PLCB4: variants seen among roughly 807,000 people sequenced by gnomAD.
PLCB4 encodes phospholipase C beta 4.
Under a neutral mutation model 178.8 loss-of-function variants are expected in PLCB4, and 77 were observed. The ratio of observed to expected loss-of-function variants is 0.43; its 90% CI spans 0.36 to 0.52. The LOEUF (loss-of-function observed/expected upper bound fraction) is 0.52, where lower values mean the gene tolerates loss of function less well. Ranked by LOEUF, PLCB4 falls within the 20% of genes least tolerant of loss-of-function variation. The pLI is 0.00. For synonymous variants in PLCB4, 496 were observed against 490.8 expected (o/e 1.01, Z -0.14); for missense variants, 1,024 against 1,453.4 (o/e 0.70, Z 4.80).
chr20:9,074,961 G>A (rs563847254), intron 1 of PLCB4, among the ~76,000 whole-genome samples: 10 of 151,970 alleles, frequency 6.6e-5, no homozygotes, highest in Admixed American at 3.3e-4. Flanking sequence ...GGAGTTTCTC[G>A]GAGAGTACTC....
intron 39 of PLCB4, 21 bp downstream of exon 39, chr20:9,476,774 AG>A (rs775695844): frequency 6.3e-7 from 1 of 1,575,038 alleles, no homozygotes; most frequent in Non-Finnish European, 8.7e-7. Flanking sequence ...AACTCTGATA[AG>A]CAAGACGTTG....
At chr20:9,348,501 G>A (rs2034028588) in intron 7 of PLCB4, among the ~76,000 whole-genome samples, 1 of 152,104 alleles carries the variant, frequency 6.6e-6, no homozygotes, top group African/African-American at 2.4e-5. Flanking sequence ...TTAGTTGCAT[G>A]ACCTGCTATG....
intron 2 of PLCB4, among the ~76,000 whole-genome samples, chr20:9,151,189 A>G (rs2092684656): frequency 6.6e-6 from 1 of 152,210 alleles, no homozygotes; most frequent in African/African-American, 2.4e-5. Context: ...TTTACATTGT[A>G]TTGGGTATTA....
At chr20:9,456,081 C>T (rs546771107) in intron 33 of PLCB4, among the ~76,000 whole-genome samples, 1 of 152,290 alleles carries the variant, frequency 6.6e-6, no homozygotes, top group East Asian at 1.9e-4. Context: ...AGTGATCTGC[C>T]TACCTTGGCT....
chr20:9,270,092 A>G (rs1338535021), intron 3 of PLCB4, among the ~76,000 whole-genome samples: 2 of 152,162 alleles, frequency 1.3e-5, no homozygotes, highest in African/African-American at 4.8e-5. Flanking sequence ...TTTATTAATG[A>G]AGTTCCTTTT....
At chr20:9,428,722 G>A (rs1192893521) in intron 28 of PLCB4, among the ~76,000 whole-genome samples, 5 of 152,118 alleles carry the variant, frequency 3.3e-5, no homozygotes, top group African/African-American at 1.2e-4. Context: ...GAATAGTAGA[G>A]GGGAACGGGA....
chr20:9,272,515 T>A (rs565379381), intron 3 of PLCB4, among the ~76,000 whole-genome samples: 35 of 152,150 alleles, frequency 2.3e-4, no homozygotes, highest in Non-Finnish European at 4.6e-4. Context: ...TCAACCCCTA[T>A]CTCCTCTCCT....
At position 9,386,458 on chromosome 20, in the gene PLCB4, G is replaced by T. The variant is rs1165732942; in HGVS notation, c.1065-1005G>T. ...GTAGTTACATTATGTTTTTTTCTTGGTTATAAATTAAACAATACTTTATTT... is the reference window on the plus strand; with the variant it reads ...GTAGTTACATTATGTTTTTTTCTTGTTTATAAATTAAACAATACTTTATTT... On this transcript the variant is annotated intron_variant, in intron 14 of 39. Coordinates refer to ENST00000378473, the MANE Select transcript of PLCB4 (RefSeq NM_001377142.1). Among the ~76,000 whole-genome samples, 3 of 151,994 alleles carry T rather than the reference G, an allele frequency of 2.0e-5. No individual in the cohort carries two copies. The East Asian group carries it at 5.8e-4, about 29-fold the overall frequency.
intron 7 of PLCB4, among the ~76,000 whole-genome samples, chr20:9,341,777 G>A (rs2033232143): frequency 6.6e-6 from 1 of 151,966 alleles, no homozygotes; most frequent in South Asian, 2.1e-4. Context: ...ATACTTCAAG[G>A]GAAGATTTGA....
At chr20:9,094,223 T>C (rs1487176635) in intron 1 of PLCB4, among the ~76,000 whole-genome samples, 2 of 152,138 alleles carry the variant, frequency 1.3e-5, no homozygotes, top group Non-Finnish European at 2.9e-5. Context: ...TGTTACTTAA[T>C]TGAAAGCAGG....
At chr20:9,082,612 A>G (rs1415943167) in intron 1 of PLCB4, among the ~76,000 whole-genome samples, 2 of 152,226 alleles carry the variant, frequency 1.3e-5, no homozygotes, top group African/African-American at 4.8e-5. Context: ...TAGGAGGATT[A>G]TAGTTTAGTT....
intron 2 of PLCB4, among the ~76,000 whole-genome samples, chr20:9,194,336 G>A (rs776008371): frequency 5.3e-5 from 8 of 152,084 alleles, no homozygotes; most frequent in Non-Finnish European, 7.4e-5. Context: ...GGTGAACTCA[G>A]GTAATTTTAG....
rs2042894943 is a variant in PLCB4 at position 9,453,540 on chromosome 20, G to C, written c.2996+78G>C. On this transcript the variant is annotated intron_variant, in intron 33 of 39. Transcript: ENST00000378473. ...TTTCCCACAGTTTTGCTGCTGTTTA[G>C]GTCAAGGAAGAACTTAGTGTTGACT... 8 of 768,868 alleles carry C rather than the reference G, an allele frequency of 1.0e-5. No individual in the cohort carries two copies. The East Asian group carries it at 2.1e-4, about 20-fold the overall frequency. The allele number at this position is 768,868 out of a possible 1,614,324, so 47.6% of individuals were successfully genotyped here.
intron 34 of PLCB4, 41 bp downstream of exon 34, chr20:9,457,530 A>G (rs377412284): frequency 2.3e-5 from 22 of 937,280 alleles, no homozygotes; most frequent in Non-Finnish European, 3.5e-5. Flanking sequence ...CTTGCAGAAG[A>G]CACTTTGTAA....
At chr20:9,196,226 CAG>C (rs899088280) in intron 2 of PLCB4, among the ~76,000 whole-genome samples, 4 of 152,124 alleles carry the variant, frequency 2.6e-5, no homozygotes, top group Non-Finnish European at 5.9e-5. Context: ...TGTGTGCAGG[CAG>C]AGTCAAAAGC....
At chr20:9,325,863 C>G (rs1026201007) in intron 4 of PLCB4, among the ~76,000 whole-genome samples, 4 of 152,244 alleles carry the variant, frequency 2.6e-5, no homozygotes, top group South Asian at 2.1e-4. Context: ...GCTGCTATAA[C>G]AAAATACCAT....
intron 20 of PLCB4, among the ~76,000 whole-genome samples, chr20:9,403,169 A>G (rs1313272778): frequency 1.3e-5 from 2 of 152,142 alleles, no homozygotes; most frequent in Non-Finnish European, 1.5e-5. Context: ...TATCATTGTC[A>G]TTATCCTCAT....
chr20:9,344,468 G>C (rs530336220), intron 7 of PLCB4, among the ~76,000 whole-genome samples: 27 of 152,296 alleles, frequency 1.8e-4, no homozygotes, highest in Middle Eastern at 3.4e-3. Flanking sequence ...GCAACATCTA[G>C]AACTGTCAGT....
chr20:9,315,290 C>A (rs1371577275), intron 4 of PLCB4, among the ~76,000 whole-genome samples: 2 of 152,180 alleles, frequency 1.3e-5, no homozygotes, highest in Admixed American at 6.5e-5. Flanking sequence ...ATCTTGAGTA[C>A]AGTTGGCCCT....
Sources: allele counts gnomAD v4.1 joint callset (sites outside exome capture counted in the v4.1 genomes callset), GRCh38; gene constraint gnomAD v4.1.1; transcripts MANE v1.5; gene names NCBI Gene and HGNC (gene_info 2026-07-23, HGNC 2026-07-21).